Variants in UMAD1 observed in about 807,000 individuals in gnomAD.
The protein encoded by UMAD1 is UBAP1-MVB12-associated (UMA)-domain containing protein 1.
A neutral mutation model predicts 6.1 loss-of-function variants in UMAD1; 8 were observed. The observed-to-expected ratio is 1.30, with a 90% CI of 0.76 to 2.35. The LOEUF (loss-of-function observed/expected upper bound fraction) is 2.35. UMAD1 is among the 30% of genes most tolerant of loss of function. The pLI is 0.00. For missense variants in UMAD1, 130 were observed against 78.4 expected (o/e 1.66, Z -2.49); for synonymous variants, 56 against 31.4 (o/e 1.78, Z -2.61).
intron 2 of UMAD1, among the ~76,000 whole-genome samples, chr7:7,787,252 C>T (rs138770020): frequency 6.6e-6 from 1 of 150,908 alleles, no homozygotes; most frequent in Non-Finnish European, 1.5e-5. Flanking sequence ...GTATATAAAC[C>T]ATATATGATT....
chr7:7,659,601 G>A (rs766108225), intron 1 of UMAD1, among the ~76,000 whole-genome samples: 21 of 152,190 alleles, frequency 1.4e-4, no homozygotes, highest in Non-Finnish European at 2.8e-4. Flanking sequence ...CAGTTTCCAT[G>A]TAGTTGTGCA....
At chr7:7,817,497 T>G (rs1468203854) in intron 3 of UMAD1, among the ~76,000 whole-genome samples, 3 of 152,218 alleles carry the variant, frequency 2.0e-5, no homozygotes, top group Non-Finnish European at 4.4e-5. Flanking sequence ...TTTGAAACAT[T>G]ACTTCATCTC....
At chr7:7,664,424 A>T (rs562643702) in intron 1 of UMAD1, among the ~76,000 whole-genome samples, 1 of 152,314 alleles carries the variant, frequency 6.6e-6, no homozygotes, top group Admixed American at 6.5e-5. Flanking sequence ...GTAATGTCCA[A>T]CAAATCCTGT....
At chr7:7,721,318 G>A (rs1781044580) in intron 2 of UMAD1, among the ~76,000 whole-genome samples, 1 of 152,160 alleles carries the variant, frequency 6.6e-6, no homozygotes, top group Non-Finnish European at 1.5e-5. Flanking sequence ...TTTTTGACAA[G>A]TTTCTTTTCT....
chr7:7,728,646 G>GAA (rs71014706), intron 2 of UMAD1, among the ~76,000 whole-genome samples: 28 of 108,950 alleles, frequency 2.6e-4, no homozygotes, highest in East Asian at 2.2e-3. Context: ...TCCATCTTAA[G>GAA]AAAAAAAAAA....
chr7:7,839,808 T>G (rs1237825554), intron 3 of UMAD1, among the ~76,000 whole-genome samples: 1 of 152,068 alleles, frequency 6.6e-6, no homozygotes, highest in Admixed American at 6.6e-5. Flanking sequence ...GTAGGTTTGT[T>G]TGTGGGAAGA....
chr7:7,747,170 G>A (rs1442175639), intron 2 of UMAD1, among the ~76,000 whole-genome samples: 5 of 152,112 alleles, frequency 3.3e-5, no homozygotes, highest in Non-Finnish European at 7.4e-5. Context: ...CTAAATAATA[G>A]GGAAGGAATA....
chr7:7,742,177 G>T (rs765732021), intron 2 of UMAD1: 9 of 669,110 alleles, frequency 1.3e-5, no homozygotes, highest in Non-Finnish European at 2.3e-5. Context: ...CGAATCAGGT[G>T]TTGACCTTGG....
intron 2 of UMAD1, among the ~76,000 whole-genome samples, chr7:7,678,494 TATATTTATATATTTAATATAGATAA>T (rs1779808799): frequency 7.1e-6 from 1 of 140,894 alleles, no homozygotes; most frequent in Non-Finnish European, 1.5e-5. Flanking sequence ...ATAGATAATA[TATATTTATATATTTAATATAGATAA>T]ATATATTTAT....
At chr7:7,806,339 A>G (rs982147582) in intron 3 of UMAD1, among the ~76,000 whole-genome samples, 15 of 151,866 alleles carry the variant, frequency 9.9e-5, no homozygotes, top group Non-Finnish European at 1.5e-5. Flanking sequence ...TCCTTTGTGA[A>G]CCCTTTTCTC....
At chr7:7,728,480 C>G (rs902475255) in intron 2 of UMAD1, among the ~76,000 whole-genome samples, 3 of 152,070 alleles carry the variant, frequency 2.0e-5, no homozygotes, top group African/African-American at 7.2e-5. Flanking sequence ...CCCGTCTCTG[C>G]TAAAAATACA....
chr7:7,707,325 G>T (rs1780630041), intron 2 of UMAD1, among the ~76,000 whole-genome samples: 1 of 152,052 alleles, frequency 6.6e-6, no homozygotes, highest in South Asian at 2.1e-4. Context: ...ATATCCTCTA[G>T]GTATCAAATT....
chr7:7,874,807 G>A (rs117744384), intron 3 of UMAD1, among the ~76,000 whole-genome samples: 22 of 152,280 alleles, frequency 1.4e-4, no homozygotes, highest in Non-Finnish European at 2.6e-4. Flanking sequence ...TTGACAGGAC[G>A]GGGGTTGATT....
At chr7:7,854,039 C>G (rs1783968599) in intron 3 of UMAD1, among the ~76,000 whole-genome samples, 1 of 152,038 alleles carries the variant, frequency 6.6e-6, no homozygotes, top group African/African-American at 2.4e-5. Context: ...TAAGGAAATA[C>G]CTGAGATTGG....
chr7:7,803,280 G>T (rs1016257237), intron 3 of UMAD1, among the ~76,000 whole-genome samples: 1 of 152,120 alleles, frequency 6.6e-6, no homozygotes, highest in Non-Finnish European at 1.5e-5. Flanking sequence ...GTTTGAGACC[G>T]GCCTGGGCAA....
intron 2 of UMAD1, among the ~76,000 whole-genome samples, chr7:7,700,778 C>G (rs897421336): frequency 1.2e-4 from 19 of 152,110 alleles, no homozygotes; most frequent in African/African-American, 4.6e-4. Context: ...ATCAAAGCTA[C>G]TCGGGAGGCT....
chr7:7,873,459 A>G (rs1784364695), intron 3 of UMAD1, among the ~76,000 whole-genome samples: 1 of 152,224 alleles, frequency 6.6e-6, no homozygotes, highest in Non-Finnish European at 1.5e-5. Flanking sequence ...GATAATTAGC[A>G]TGGTGAGTCC....
chr7:7,733,793 C>T (rs1157136863), intron 2 of UMAD1, among the ~76,000 whole-genome samples: 1 of 151,446 alleles, frequency 6.6e-6, no homozygotes, highest in Non-Finnish European at 1.5e-5. Flanking sequence ...TAGCTTTGAG[C>T]TATCTTGAAT....
In UMAD1 at chr7:7,731,482, A is replaced by ACCCC. The variant is rs60208794; in HGVS notation, c.82+58035_82+58038dup. Among the ~76,000 whole-genome samples, 357 of 112,860 alleles carry ACCCC rather than the reference A, an allele frequency of 3.2e-3. 3 individuals are homozygous for ACCCC. Among genetic ancestry groups the ACCCC allele is most frequent in the African/African-American group, 4.5e-3 (130 of 28,574 alleles). The allele number at this position is 112,860 out of a possible 152,430, so 74.0% of individuals were successfully genotyped here. Reference sequence around the variant, plus strand: ...AAGGAAAAGGAAAAGCAAACAAACAACCCCCCCCCAAAAAAAAAACACTTC... The same window carrying ACCCC: ...AAGGAAAAGGAAAAGCAAACAAACAACCCCCCCCCCCCCAAAAAAAAAACACTTC... On this transcript the variant is annotated intron_variant, in intron 2 of 3. Transcript: ENST00000682710.
Sources: allele counts gnomAD v4.1 joint callset (sites outside exome capture counted in the v4.1 genomes callset), GRCh38; gene constraint gnomAD v4.1.1; transcripts MANE v1.5; gene names NCBI Gene and HGNC (gene_info 2026-07-23, HGNC 2026-07-21).